TCF4: variants seen among roughly 807,000 people sequenced by gnomAD.
TCF4 encodes the protein transcription factor 4.
Under a neutral mutation model 82.1 loss-of-function variants are expected in TCF4, and 3 were observed. The observed-to-expected ratio is 0.04, with a 90% confidence interval of 0.02 to 0.09. The LOEUF (loss-of-function observed/expected upper bound fraction) is 0.09, where lower values mean the gene tolerates loss of function less well. Among genes scored for constraint, TCF4 ranks in the 10% least tolerant of loss-of-function variants. The pLI is 1.00. For missense variants in TCF4, 518 were observed against 852.7 expected (o/e 0.61, Z 4.89); for synonymous variants, 276 against 309.6 (o/e 0.89, Z 1.14).
At chr18:55,232,696 A>G (rs769002752) in intron 16 of TCF4, 25 bp from the exon 17 acceptor site, 18 of 1,613,894 alleles carry the variant, frequency 1.1e-5, no homozygotes, top group Non-Finnish European at 1.4e-5. Context: ...AAATCAGGTG[A>G]CATGTACACC....
At chr18:55,326,695 C>T (rs147952958) in intron 8 of TCF4, among the ~76,000 whole-genome samples, 3,483 of 152,178 alleles carry the variant, frequency 0.023, 69 homozygotes, top group Non-Finnish European at 0.035. Context: ...GGAGGTTACC[C>T]TTGTCCATTG....
chr18:55,344,529 G>C (rs950804423), intron 8 of TCF4, among the ~76,000 whole-genome samples: 2 of 152,088 alleles, frequency 1.3e-5, no homozygotes, highest in African/African-American at 4.8e-5. Context: ...AAATGATAAA[G>C]TTCAAAATAG....
chr18:55,271,059 T>C (rs1178354676), intron 10 of TCF4, among the ~76,000 whole-genome samples: 1 of 152,090 alleles, frequency 6.6e-6, no homozygotes, highest in Non-Finnish European at 1.5e-5. Flanking sequence ...TAGTCACGGG[T>C]ATTTAAAACC....
At chr18:55,273,107 T>C (rs2060726613) in intron 10 of TCF4, among the ~76,000 whole-genome samples, 1 of 152,102 alleles carries the variant, frequency 6.6e-6, no homozygotes, top group African/African-American at 2.4e-5. Context: ...TGATTTTGTG[T>C]GGGTATGTGT....
intron 2 of TCF4, among the ~76,000 whole-genome samples, chr18:55,621,703 ATT>A (rs1254269637): frequency 1.6e-4 from 14 of 87,204 alleles, no homozygotes; most frequent in African/African-American, 6.0e-4. Flanking sequence ...TATAATATAT[ATT>A]ATATAATATA....
At chr18:55,399,878 TCTCACACACACACACACACA>T (rs2093711445) in intron 6 of TCF4, among the ~76,000 whole-genome samples, 1 of 77,008 alleles carries the variant, frequency 1.3e-5, no homozygotes. Flanking sequence ...TCTCTCTCTC[TCTCACACACACACACACACA>T]CACACACACA....
chr18:55,579,687 C>T (rs2097559169), intron 3 of TCF4, among the ~76,000 whole-genome samples: 3 of 151,966 alleles, frequency 2.0e-5, no homozygotes, highest in Non-Finnish European at 4.4e-5. Context: ...ATCTAAATAG[C>T]ATCATAATAC....
chr18:55,489,476 G>A (rs1993193), intron 3 of TCF4, among the ~76,000 whole-genome samples: 6,592 of 152,084 alleles, frequency 0.043, 154 homozygotes, highest in Non-Finnish European at 0.052. Flanking sequence ...GCAGATGTTA[G>A]TCATCACCCC....
intron 6 of TCF4, among the ~76,000 whole-genome samples, chr18:55,395,392 T>C (rs1001939615): frequency 1.3e-5 from 2 of 152,224 alleles, no homozygotes; most frequent in Admixed American, 6.5e-5. Context: ...ATGGTTTTCA[T>C]AAGAAAAGAG....
At chr18:55,469,717 A>G (rs1188303885) in intron 3 of TCF4, 1 of 152,214 alleles carries the variant, frequency 6.6e-6, no homozygotes, top group African/African-American at 2.4e-5. Context: ...GAGTTGGGAT[A>G]AAGAGCTGGA....
Position 55,226,033 on chromosome 18 carries a change from A to C in TCF4, c.*2002T>G, listed in dbSNP as rs928783277. ...TTTAAACCACAGTTTTTAAAAAAAA[A>C]CAAAAACTGATACAATGTATTAAAA... On this transcript the variant is annotated 3_prime_UTR_variant, in exon 20 of 20. Coordinates refer to ENST00000354452, the MANE Select transcript of TCF4 (RefSeq NM_001083962.2). 3 of 152,508 alleles carry C rather than the reference A, an allele frequency of 2.0e-5. No individual in the cohort carries two copies. Among genetic ancestry groups the C allele is most frequent in the African/African-American group, 4.8e-5 (2 of 41,450 alleles). 9.4% of individuals were successfully genotyped at this position (152,508 alleles called of 1,614,324 possible).
chr18:55,276,016 T>G (rs1294734537), intron 9 of TCF4, among the ~76,000 whole-genome samples: 2 of 152,192 alleles, frequency 1.3e-5, no homozygotes, highest in Non-Finnish European at 2.9e-5. Context: ...CCATGAATTA[T>G]GTCAAGTCGC....
rs146854468 is a variant in TCF4 at position 55,254,376 on chromosome 18, G to A, written c.1350+121C>T. 17 of 925,530 alleles carry A rather than the reference G, an allele frequency of 1.8e-5. No individual in the cohort carries two copies. In the East Asian group the frequency reaches 3.4e-4, roughly 19 times the overall value. The allele number at this position is 925,530 out of a possible 1,614,324, so 57.3% of individuals were successfully genotyped here. On this transcript the variant is annotated intron_variant, in intron 15 of 19. Coordinates refer to ENST00000354452, the MANE Select transcript of TCF4 (RefSeq NM_001083962.2). ...ATTGTACACCTGAAATGGGCTCATC[G>A]TATGTTAAGTGAATTATATCTCAAT... is the stretch of plus-strand genomic sequence containing the variant.
upstream of TCF4, among the ~76,000 whole-genome samples, chr18:55,590,605 A>G (rs920705145): frequency 2.6e-5 from 4 of 152,212 alleles, no homozygotes; most frequent in African/African-American, 9.7e-5. Flanking sequence ...CGAAAGAAAT[A>G]ATTCCTTTTC....
intron 6 of TCF4, among the ~76,000 whole-genome samples, chr18:55,360,546 A>C (rs2084828891): frequency 6.6e-6 from 1 of 152,142 alleles, no homozygotes; most frequent in South Asian, 2.1e-4. Flanking sequence ...CAGATAGAAA[A>C]TATTTTAGTC....
intron 3 of TCF4, among the ~76,000 whole-genome samples, chr18:55,505,527 G>A (rs974162015): frequency 6.6e-6 from 1 of 152,016 alleles, no homozygotes; most frequent in African/African-American, 2.4e-5. Context: ...CAACCGGGCC[G>A]GGCGCGGTGG....
intron 2 of TCF4, among the ~76,000 whole-genome samples, chr18:55,607,972 C>G (rs2097703648): frequency 6.6e-6 from 1 of 152,192 alleles, no homozygotes; most frequent in Non-Finnish European, 1.5e-5. Flanking sequence ...CACCTGTGAA[C>G]AAATGTGCTT....
At chr18:55,306,670 G>A (rs1256917936) in intron 8 of TCF4, among the ~76,000 whole-genome samples, 7 of 152,180 alleles carry the variant, frequency 4.6e-5, no homozygotes, top group African/African-American at 7.2e-5. Flanking sequence ...CAGGAACTCC[G>A]TTTTCAAGGG....
intron 3 of TCF4, among the ~76,000 whole-genome samples, chr18:55,528,449 C>T (rs1334603548): frequency 2.0e-5 from 3 of 152,214 alleles, no homozygotes; most frequent in Admixed American, 2.0e-4. Flanking sequence ...CCTGGAAATA[C>T]TCTTTAACTG....
Sources: gnomAD v4.1 joint callset for allele counts (sites outside exome capture counted in the v4.1 genomes callset) on GRCh38, gnomAD v4.1.1 for gene constraint, MANE v1.5 for transcripts, NCBI Gene and HGNC (gene_info 2026-07-23, HGNC 2026-07-21) for gene names.